Variants in PATJ observed in about 807,000 individuals in gnomAD.
The protein encoded by PATJ is PATJ crumbs cell polarity complex component, also known as inaD-like protein.
PATJ carries 190 observed loss-of-function variants against 224.9 expected under a neutral mutation model. The observed-to-expected ratio is 0.84, with a 90% CI of 0.75 to 0.95. The LOEUF is 0.95. Among genes scored for constraint, PATJ ranks in the 40% least tolerant of loss-of-function variants. The pLI is 0.00. For missense variants in PATJ, 2,121 were observed against 2,270.3 expected (o/e 0.93, Z 1.34); for synonymous variants, 769 against 820.3 (o/e 0.94, Z 1.07).
chr1:61,814,596 CAT>C lies in PATJ; in HGVS notation c.1683+6067_1683+6068del, dbSNP rs1238018407. On this transcript the variant is annotated intron_variant, in intron 14 of 43. Coordinates refer to ENST00000642238, the MANE Select transcript of PATJ (RefSeq NM_001350145.3). Reference sequence around the variant, plus strand: ...GGATAGAAGGGGTGTGTAGTTTTTCCATGTAACATTATCATATATTTTTACAT... The same window carrying C: ...GGATAGAAGGGGTGTGTAGTTTTTCCGTAACATTATCATATATTTTTACAT... Among the ~76,000 whole-genome samples, 4 of 149,756 alleles carry C rather than the reference CAT, an allele frequency of 2.7e-5. No homozygotes were observed. The East Asian group carries it at 7.9e-4, about 30-fold the overall frequency.
chr1:61,968,702 C>T (rs1390899813), intron 27 of PATJ, among the ~76,000 whole-genome samples: 1 of 152,054 alleles, frequency 6.6e-6, no homozygotes, highest in Non-Finnish European at 1.5e-5. Flanking sequence ...AATGCTATCC[C>T]TCCCCGCTCC....
At chr1:61,789,433 A>G (rs766835252) in intron 8 of PATJ, among the ~76,000 whole-genome samples, 11 of 152,284 alleles carry the variant, frequency 7.2e-5, no homozygotes, top group Middle Eastern at 6.8e-3. Flanking sequence ...CTGAGATGTC[A>G]TTCTGTGTAT....
chr1:62,148,096 G>A (rs1477803275), intron 41 of PATJ, among the ~76,000 whole-genome samples, 188 bp from the exon 42 acceptor site: 1 of 118,448 alleles, frequency 8.4e-6, no homozygotes, highest in Non-Finnish European at 1.7e-5. Context: ...ACTCCAACCT[G>A]AGCAACAGAG....
intron 15 of PATJ, among the ~76,000 whole-genome samples, chr1:61,825,027 G>A (rs529844011): frequency 6.6e-6 from 1 of 152,284 alleles, no homozygotes; most frequent in Non-Finnish European, 1.5e-5. Context: ...AGCCACTTTT[G>A]GTCTGAATTG....
intron 27 of PATJ, among the ~76,000 whole-genome samples, chr1:61,957,593 G>A (rs1484571990): frequency 6.6e-6 from 1 of 152,002 alleles, no homozygotes; most frequent in Non-Finnish European, 1.5e-5. Context: ...ATAGTTTCTT[G>A]GTCAAATAGG....
intron 17 of PATJ, among the ~76,000 whole-genome samples, chr1:61,844,790 G>A (rs1661664019): frequency 6.6e-6 from 1 of 152,076 alleles, no homozygotes; most frequent in Admixed American, 6.5e-5. Context: ...GATAATGAGT[G>A]AGTTCTCACA....
intron 20 of PATJ, among the ~76,000 whole-genome samples, chr1:61,868,436 A>G (rs527244171): frequency 6.6e-6 from 1 of 152,340 alleles, no homozygotes; most frequent in South Asian, 2.1e-4. Flanking sequence ...TCTTTCACTT[A>G]GTGTAATGTC....
At chr1:62,053,547 C>T (rs1347512510) in intron 31 of PATJ, among the ~76,000 whole-genome samples, 1 of 152,132 alleles carries the variant, frequency 6.6e-6, no homozygotes, top group Non-Finnish European at 1.5e-5. Flanking sequence ...TGGAGAAACC[C>T]CGTCTCTACT....
chr1:61,786,757 TG>T (rs1252681880), intron 7 of PATJ, among the ~76,000 whole-genome samples: 1 of 152,054 alleles, frequency 6.6e-6, no homozygotes, highest in African/African-American at 2.4e-5. Context: ...TTTGAGAGGC[TG>T]AGGCGGGTGG....
At chr1:61,835,585 G>T (rs984613869) in intron 17 of PATJ, among the ~76,000 whole-genome samples, 3 of 151,854 alleles carry the variant, frequency 2.0e-5, no homozygotes, top group African/African-American at 7.3e-5. Flanking sequence ...TCTATTTTTC[G>T]TAGAGATGGG....
In PATJ at chr1:62,041,548, G is replaced by A. The variant is rs192611150; in HGVS notation, c.4032+3499G>A. On this transcript the variant is annotated intron_variant, in intron 30 of 43. Coordinates refer to ENST00000642238, the MANE Select transcript of PATJ (RefSeq NM_001350145.3). ...TTGAGTCAAACTTGATTAATTAAAC[G>A]AGGGAGCTGAGGGGAAGTAGAGAGT... 1.5e-3 allele frequency among the ~76,000 whole-genome samples: 235 copies of A among 152,258 alleles called. 1 individual carries two copies. Among genetic ancestry groups the A allele is most frequent in the Admixed American group, 3.1e-3 (48 of 15,300 alleles).
intron 1 of PATJ, among the ~76,000 whole-genome samples, chr1:61,762,489 G>A (rs1646024839): frequency 2.0e-5 from 3 of 152,096 alleles, no homozygotes; most frequent in Admixed American, 2.0e-4. Flanking sequence ...GTTTTTGTGA[G>A]CATATATTTT....
chr1:61,868,005 G>GTC (rs1665687130), intron 20 of PATJ, among the ~76,000 whole-genome samples: 2 of 152,180 alleles, frequency 1.3e-5, no homozygotes, highest in Non-Finnish European at 2.9e-5. Context: ...TGGGGCTATA[G>GTC]ATGTCAGCTA....
At chr1:62,072,041 C>A (rs1376959042) in intron 31 of PATJ, among the ~76,000 whole-genome samples, 3 of 151,828 alleles carry the variant, frequency 2.0e-5, no homozygotes. Context: ...AGTAAACCAT[C>A]GTATGATAAT....
intron 28 of PATJ, among the ~76,000 whole-genome samples, chr1:62,012,651 T>C (rs940575135): frequency 4.6e-5 from 7 of 152,200 alleles, no homozygotes; most frequent in African/African-American, 1.7e-4. Flanking sequence ...TTTCCTTTAG[T>C]GATGAAAAAA....
chr1:61,883,334 A>G (rs1433454856), intron 21 of PATJ, among the ~76,000 whole-genome samples: 1 of 152,198 alleles, frequency 6.6e-6, no homozygotes, highest in East Asian at 1.9e-4. Context: ...AATTATGGCA[A>G]TCTGTACCCT....
Position 61,914,533 on chromosome 1 carries a change from T to C in PATJ, c.3493-54T>C, listed in dbSNP as rs1453393066. 5 of 812,836 alleles carry C rather than the reference T, an allele frequency of 6.2e-6. No individual in the cohort carries two copies. The African/African-American group carries it at 8.7e-5, about 14-fold the overall frequency. 50.4% of individuals were successfully genotyped at this position (812,836 alleles called of 1,614,324 possible). A position where few individuals can be genotyped will look rare whatever the true frequency, so the allele number is the denominator to read the frequency against. The stretch of plus-strand genomic sequence containing the variant: ...GGAATGTCAAGAGAAAAAAAAGGAA[T>C]GATTATGTCGTTTAAACGTTTTCTT... On this transcript the variant is annotated intron_variant, in intron 25 of 43. Coordinates refer to ENST00000642238, the MANE Select transcript of PATJ (RefSeq NM_001350145.3).
intron 27 of PATJ, among the ~76,000 whole-genome samples, chr1:61,960,625 T>C (rs1157744458): frequency 6.6e-6 from 1 of 151,282 alleles, no homozygotes; most frequent in Admixed American, 6.6e-5. Flanking sequence ...ATCATGCCAT[T>C]GTACTCCAGC....
At chr1:62,043,269 T>A in intron 30 of PATJ, among the ~76,000 whole-genome samples, 1 of 152,312 alleles carries the variant, frequency 6.6e-6, no homozygotes, top group Middle Eastern at 3.4e-3. Flanking sequence ...TATAAGGGAT[T>A]ATGATGCAGT....
Sources: gnomAD v4.1 joint callset for allele counts (sites outside exome capture counted in the v4.1 genomes callset) on GRCh38, gnomAD v4.1.1 for gene constraint, MANE v1.5 for transcripts, NCBI Gene and HGNC (gene_info 2026-07-23, HGNC 2026-07-21) for gene names.